LRRC36: variants seen among roughly 807,000 people sequenced by gnomAD.
LRRC36 encodes the protein leucine rich repeat containing 36.
Under a neutral mutation model 81.1 loss-of-function variants are expected in LRRC36, and 62 were observed. The observed-to-expected ratio is 0.76, with a 90% CI of 0.62 to 0.94. LRRC36 has a LOEUF of 0.94. Among genes scored for constraint, LRRC36 ranks in the 40% least tolerant of loss-of-function variants. The pLI, the probability that LRRC36 is intolerant of heterozygous loss-of-function variation, is 0.00. For synonymous variants in LRRC36, 334 were observed against 348.6 expected, an observed-to-expected ratio of 0.96 and a Z score of 0.47; for missense variants, 761 against 881.7, an observed-to-expected ratio of 0.86 and a Z score of 1.73.
chr16:67,360,914 C>T (rs758710322), intron 5 of LRRC36, among the ~76,000 whole-genome samples: 1 of 151,576 alleles, frequency 6.6e-6, no homozygotes, highest in Admixed American at 6.5e-5. Flanking sequence ...ATTCCTTAAA[C>T]AAAAGCAAAA....
At chr16:67,341,911 G>A in intron 1 of LRRC36, 46 bp from the exon 2 acceptor site, 1 of 1,530,572 alleles carries the variant, frequency 6.5e-7, no homozygotes, top group Non-Finnish European at 8.9e-7. Context: ...CTCTGCTGTT[G>A]ATCCGAGCAG....
In LRRC36 at chr16:67,363,702, A is replaced by C; in HGVS notation, c.690A>C (p.Pro230=). Residue 230 remains proline, a synonymous_variant, in exon 6 of 14, where the codon CCA becomes CCC. Coordinates refer to ENST00000329956, the MANE Select transcript of LRRC36 (RefSeq NM_018296.6). ...GTGATCAGAAATTAGACACCTTCCCACTGGGGACACAGGTAATGTATTCAC... is the reference window on the plus strand; with the variant it reads ...GTGATCAGAAATTAGACACCTTCCCCCTGGGGACACAGGTAATGTATTCAC... The part of the protein sequence containing the change: ...GTRDQKLDTF[P]LGTQTQEVAR... The C allele has an allele frequency of 6.2e-7, 1 of 1,613,852 alleles. No individual in the cohort carries two copies.
At chr16:67,330,017 T>C (rs931042516) in intron 1 of LRRC36, among the ~76,000 whole-genome samples, 6 of 152,334 alleles carry the variant, frequency 3.9e-5, no homozygotes, top group East Asian at 1.9e-4. Flanking sequence ...CCATTTTTTT[T>C]CCCTCGCATT....
intron 8 of LRRC36, among the ~76,000 whole-genome samples, chr16:67,368,001 G>GT (rs1318926305): frequency 6.6e-6 from 1 of 152,204 alleles, no homozygotes; most frequent in African/African-American, 2.4e-5. Context: ...AGAGGTTGCA[G>GT]TAAGCCAAGA....
chr16:67,370,630 C>CAA (rs576313559), intron 8 of LRRC36, among the ~76,000 whole-genome samples: 39 of 82,410 alleles, frequency 4.7e-4, no homozygotes, highest in Admixed American at 5.8e-4. Flanking sequence ...GAGACTCTCT[C>CAA]AAAAAAAAAA....
At chr16:67,382,493 G>T (rs2040149855) in intron 13 of LRRC36, among the ~76,000 whole-genome samples, 1 of 152,142 alleles carries the variant, frequency 6.6e-6, no homozygotes, top group Non-Finnish European at 1.5e-5. Context: ...CTTCTCACTG[G>T]ATCTGATGGG....
chr16:67,341,787 TC>T (rs1316610520), intron 1 of LRRC36, among the ~76,000 whole-genome samples, 169 bp from the exon 2 acceptor site: 3 of 152,188 alleles, frequency 2.0e-5, no homozygotes, highest in Admixed American at 6.5e-5. Flanking sequence ...AGGTTCAATG[TC>T]ACTATATTAG....
At chr16:67,352,889 G>T (rs1597458334) in intron 5 of LRRC36, among the ~76,000 whole-genome samples, 2 of 151,818 alleles carry the variant, frequency 1.3e-5, no homozygotes, top group African/African-American at 2.4e-5. Flanking sequence ...ATTTTTCCAT[G>T]TTGCCCAGGC....
At chr16:67,351,479 G>A (rs1030755919) in intron 5 of LRRC36, among the ~76,000 whole-genome samples, 3 of 152,138 alleles carry the variant, frequency 2.0e-5, no homozygotes, top group Admixed American at 6.5e-5. Flanking sequence ...GGCTGAGATG[G>A]GCAGATCACC....
intron 1 of LRRC36, among the ~76,000 whole-genome samples, chr16:67,329,639 C>T (rs367990682): frequency 3.3e-5 from 5 of 152,066 alleles, no homozygotes; most frequent in South Asian, 2.1e-4. Context: ...AATCCATGGC[C>T]GGGTGCGTTG....
At position 67,375,288 on chromosome 16, in the gene LRRC36, A is replaced by G; in HGVS notation, c.1536A>G (p.Gly512=). ...TGGGTAGTTTGCACGGTTTGGCTGG[A>G]AACCACAGTCCCCCCATCTCTGCCA... ...SDLGSLHGLA[G]NHSPPISART... The change falls in exon 10 of 14, where the codon GGA becomes GGG. Residue 512 remains glycine (G), a synonymous_variant. Coordinates refer to ENST00000329956, the MANE Select transcript of LRRC36 (RefSeq NM_018296.6). 6.2e-7 allele frequency: 1 copy of G among 1,612,942 alleles called. No individual in the cohort carries two copies.
intron 5 of LRRC36, among the ~76,000 whole-genome samples, chr16:67,355,361 G>GTTTT: frequency 9.1e-6 from 1 of 110,364 alleles, no homozygotes; most frequent in South Asian, 3.3e-4. Context: ...TTTTTAAGAT[G>GTTTT]TCTTTTTTTT....
intron 5 of LRRC36, among the ~76,000 whole-genome samples, chr16:67,360,042 T>C (rs2039073507): frequency 6.6e-6 from 1 of 152,116 alleles, no homozygotes; most frequent in Admixed American, 6.6e-5. Flanking sequence ...GGAGAATTGC[T>C]TGAAGCCGGG....
chr16:67,369,917 C>T (rs920823992), intron 8 of LRRC36, among the ~76,000 whole-genome samples: 3 of 152,058 alleles, frequency 2.0e-5, no homozygotes, highest in Non-Finnish European at 2.9e-5. Flanking sequence ...ACACAGCCAA[C>T]CCATATCAAC....
At chr16:67,352,653 A>G (rs2038704861) in intron 5 of LRRC36, among the ~76,000 whole-genome samples, 1 of 127,062 alleles carries the variant, frequency 7.9e-6, no homozygotes. Context: ...TTATTTATTT[A>G]TTTATTTATT....
intron 9 of LRRC36, among the ~76,000 whole-genome samples, chr16:67,373,186 T>C (rs1213316580): frequency 1.3e-5 from 2 of 151,858 alleles, no homozygotes; most frequent in African/African-American, 4.8e-5. Context: ...ACCCTCTCTC[T>C]ACAAAAAAAA....
In LRRC36 at chr16:67,365,285, A is replaced by G; in HGVS notation, c.703-19A>G. The G allele has an allele frequency of 6.2e-7, 1 of 1,607,330 alleles. No homozygotes were observed. Among genetic ancestry groups the G allele is most frequent in the Non-Finnish European group, 8.5e-7 (1 of 1,174,708 alleles). On this transcript the variant is annotated intron_variant, in intron 6 of 13. Transcript: ENST00000329956. ...CGCGCATGGACTTCCTTCTACCTAA[A>G]CTTTCGAACTTTTTTTAGACACAGG...
chr16:67,366,671 CTCTGGGAAGCGA>C (rs1248123972), intron 7 of LRRC36, among the ~76,000 whole-genome samples: 2 of 151,836 alleles, frequency 1.3e-5, no homozygotes. Flanking sequence ...AATCGCTTCC[CTCTGGGAAGCGA>C]AGGTTGCACT....
chr16:67,365,561 G>T (rs758041600), intron 7 of LRRC36, among the ~76,000 whole-genome samples: 1 of 151,908 alleles, frequency 6.6e-6, no homozygotes, highest in Non-Finnish European at 1.5e-5. Context: ...CTTTGTTCTT[G>T]ATTTTTTTTG....
Sources: allele counts gnomAD v4.1 joint callset (sites outside exome capture counted in the v4.1 genomes callset), GRCh38; gene constraint gnomAD v4.1.1; transcripts MANE v1.5; gene names NCBI Gene and HGNC (gene_info 2026-07-23, HGNC 2026-07-21).